MON2: variants seen among roughly 807,000 people sequenced by gnomAD.
The protein encoded by MON2 is protein MON2 homolog.
A neutral mutation model predicts 208.6 loss-of-function variants in MON2; 84 were observed. That is an observed-to-expected ratio of 0.40 (90% CI 0.34 to 0.48). The LOEUF (loss-of-function observed/expected upper bound fraction) is 0.48, where lower values mean the gene tolerates loss of function less well. MON2 is among the 20% of genes least tolerant of loss of function. The pLI is 0.59. For synonymous variants in MON2, 660 were observed against 694.0 expected, an observed-to-expected ratio of 0.95 and a Z score of 0.77; for missense variants, 1,611 against 2,015.4, an observed-to-expected ratio of 0.80 and a Z score of 3.84.
At chr12:62,557,361 A>G (rs2074006137) in intron 25 of MON2, among the ~76,000 whole-genome samples, 1 of 152,208 alleles carries the variant, frequency 6.6e-6, no homozygotes, top group African/African-American at 2.4e-5. Context: ...TAGTTGTCAT[A>G]ACTGGGGAAG....
chr12:62,526,082 A>G lies in MON2; in HGVS notation c.1380A>G (p.Gln460=). 1 of 1,613,884 alleles carries G rather than the reference A, an allele frequency of 6.2e-7. No individual in the cohort carries two copies. The highest frequency in any genetic ancestry group is 1.1e-5 in the South Asian group (1 of 91,078). Reference sequence around the variant, plus strand: ...TACCTATTCTGACAATCACAGTTCAAGGCAGTGCTAAAGCCACCTAGTAAG... The same window carrying G: ...TACCTATTCTGACAATCACAGTTCAGGGCAGTGCTAAAGCCACCTAGTAAG... ...TWIPILTITV[Q]GSAKATYLEM... Residue 460 remains glutamine, a synonymous_variant, in exon 11 of 35, where the codon CAA becomes CAG. Coordinates refer to ENST00000393630, the MANE Select transcript of MON2 (RefSeq NM_015026.3).
intron 29 of MON2, among the ~76,000 whole-genome samples, chr12:62,568,126 G>C (rs764840293): frequency 1.3e-5 from 2 of 152,162 alleles, no homozygotes; most frequent in African/African-American, 4.8e-5. Flanking sequence ...AAAAAGTTAA[G>C]AGTTAGGTTA....
chr12:62,472,448 T>C (rs1370924126), intron 1 of MON2, among the ~76,000 whole-genome samples: 1 of 152,184 alleles, frequency 6.6e-6, no homozygotes. Context: ...TCAGTAAGGG[T>C]ATAAATAATT....
chr12:62,580,269 ACATTTG>A, intron 31 of MON2, 22 bp from the exon 32 acceptor site: 1 of 1,595,982 alleles, frequency 6.3e-7, no homozygotes, highest in Non-Finnish European at 8.5e-7. Context: ...AGAAAACAAT[ACATTTG>A]CATTTGCCTC....
chr12:62,499,339 G>T (rs998085018), intron 5 of MON2, among the ~76,000 whole-genome samples: 2 of 151,566 alleles, frequency 1.3e-5, no homozygotes, highest in African/African-American at 4.9e-5. Flanking sequence ...TCATGTTATT[G>T]CTTCGTCCTC....
intron 8 of MON2, among the ~76,000 whole-genome samples, chr12:62,516,443 G>A (rs892681576): frequency 1.3e-5 from 2 of 152,190 alleles, no homozygotes; most frequent in African/African-American, 2.4e-5. Context: ...CATGGCTCAC[G>A]CTTGTAGTCC....
At chr12:62,576,444 T>C (rs1470159617) in intron 30 of MON2, among the ~76,000 whole-genome samples, 2 of 152,088 alleles carry the variant, frequency 1.3e-5, no homozygotes, top group Non-Finnish European at 2.9e-5. Flanking sequence ...AATTGTATAT[T>C]TTAAAAGGGT....
chr12:62,505,101 A>G (rs2071033386), intron 7 of MON2, among the ~76,000 whole-genome samples: 1 of 152,206 alleles, frequency 6.6e-6, no homozygotes, highest in African/African-American at 2.4e-5. Flanking sequence ...TTTTGCCTCA[A>G]TGAAGTGTTG....
chr12:62,576,647 T>C (rs947228826), intron 30 of MON2, among the ~76,000 whole-genome samples: 6 of 152,012 alleles, frequency 3.9e-5, no homozygotes, highest in African/African-American at 1.4e-4. Context: ...CATGGCTTAT[T>C]TGTAACCTGC....
rs139653688 is a variant in MON2, at chr12:62,565,288, G to C, written c.4084G>C (p.Asp1362His). ...GCAGATAATGTATCCAGCTATATTT[G>C]ACCAGTTGTTGGCATTTGTAGAATT... ...NMQIMYPAIF[D>H]QLLAFVEFSC... Residue 1362 changes from aspartate (D) to histidine (H), a missense_variant, in exon 27 of 35, where the codon GAC becomes CAC. Transcript: ENST00000393630. 21 of 1,612,996 alleles carry C rather than the reference G, an allele frequency of 1.3e-5. No individual in the cohort carries two copies. In the African/African-American group the frequency reaches 2.4e-4, roughly 18 times the overall value.
chr12:62,493,386 A>G (rs923570679), intron 2 of MON2, among the ~76,000 whole-genome samples: 8 of 152,182 alleles, frequency 5.3e-5, no homozygotes, highest in African/African-American at 1.9e-4. Flanking sequence ...TAATAAGAGG[A>G]GTAATGTTAT....
chr12:62,514,737 C>A (rs1013815501), intron 8 of MON2, among the ~76,000 whole-genome samples: 1 of 152,122 alleles, frequency 6.6e-6, no homozygotes, highest in African/African-American at 2.4e-5. Context: ...AAATTACATA[C>A]CTGAAAAGGG....
chr12:62,539,814 C>T (rs1003152677), intron 19 of MON2, among the ~76,000 whole-genome samples: 4 of 151,882 alleles, frequency 2.6e-5, no homozygotes, highest in South Asian at 4.2e-4. Context: ...GTCAGGAGTT[C>T]GAGACCAGCC....
chr12:62,563,255 T>A (rs74095822), intron 26 of MON2, among the ~76,000 whole-genome samples: 1 of 152,072 alleles, frequency 6.6e-6, no homozygotes, highest in Non-Finnish European at 1.5e-5. Flanking sequence ...TCTACAACTT[T>A]TTGCTTGTTA....
At chr12:62,524,016 G>A (rs1592951898) in intron 8 of MON2, among the ~76,000 whole-genome samples, 1 of 152,192 alleles carries the variant, frequency 6.6e-6, no homozygotes, top group African/African-American at 2.4e-5. Context: ...TGTTCTAATA[G>A]TTATATACTT....
chr12:62,485,556 C>G (rs1015082559), intron 2 of MON2, among the ~76,000 whole-genome samples: 10 of 151,304 alleles, frequency 6.6e-5, no homozygotes, highest in African/African-American at 2.4e-4. Flanking sequence ...ACAGTCTTAT[C>G]AAAACACCCA....
At chr12:62,571,197 A>G (rs1249056424) in intron 29 of MON2, among the ~76,000 whole-genome samples, 195 bp from the exon 30 acceptor site, 4 of 152,200 alleles carry the variant, frequency 2.6e-5, no homozygotes, top group Non-Finnish European at 5.9e-5. Flanking sequence ...TTAAAAGTAT[A>G]TCTTTCCAGG....
rs2068556166 is a variant in MON2 at position 62,467,178 on chromosome 12, C to T, written c.-30C>T. The stretch of plus-strand genomic sequence containing the variant: ...ACCGTGCCAGAGCTTGTTTGTACCT[C>T]TCGGAAATTGGCTGGGACCTTGGAG... On this transcript the variant is annotated 5_prime_UTR_variant, in exon 1 of 35. Coordinates refer to ENST00000393630, the MANE Select transcript of MON2 (RefSeq NM_015026.3). The T allele has an allele frequency of 6.3e-7, 1 of 1,597,726 alleles. No individual in the cohort carries two copies. Among genetic ancestry groups the T allele is most frequent in the African/African-American group, 1.3e-5 (1 of 74,852 alleles).
chr12:62,470,432 A>G (rs1053643191), intron 1 of MON2, among the ~76,000 whole-genome samples: 3 of 152,150 alleles, frequency 2.0e-5, no homozygotes, highest in Non-Finnish European at 4.4e-5. Flanking sequence ...GTCATTTTAT[A>G]ATAACCTCTT....
Sources: gnomAD v4.1 joint callset for allele counts (sites outside exome capture counted in the v4.1 genomes callset) on GRCh38, gnomAD v4.1.1 for gene constraint, MANE v1.5 for transcripts, NCBI Gene and HGNC (gene_info 2026-07-23, HGNC 2026-07-21) for gene names.